The following RAD18 variants were observed in gnomAD, a reference collection of about 807,000 sequenced individuals.
RAD18 encodes E3 ubiquitin-protein ligase RAD18.
A neutral mutation model predicts 60.4 loss-of-function variants in RAD18; 47 were observed. The ratio of observed to expected loss-of-function variants is 0.78; its 90% CI spans 0.62 to 0.99. The LOEUF (loss-of-function observed/expected upper bound fraction) is 0.99. RAD18 is among the 50% of genes least tolerant of loss of function. RAD18 has a pLI of 0.00. For missense variants in RAD18, 640 were observed against 593.3 expected, an observed-to-expected ratio of 1.08 and a Z score of -0.82; for synonymous variants, 225 against 195.5, an observed-to-expected ratio of 1.15 and a Z score of -1.26.
In RAD18 at chr3:8,948,591, C is replaced by T. The variant is rs200564353; in HGVS notation, c.134-21G>A. ...GCAGTCTGCAAAACACAAAGTGCAACATAATGTTAATTAAGCTATATTAAT... is the reference window on the plus strand; with the variant it reads ...GCAGTCTGCAAAACACAAAGTGCAATATAATGTTAATTAAGCTATATTAAT... On this transcript the variant is annotated intron_variant, in intron 2 of 12. Transcript: ENST00000264926. The T allele has an allele frequency of 1.3e-4, 209 of 1,582,096 alleles. No homozygotes were observed. In the African/African-American group the frequency reaches 2.5e-3, roughly 19 times the overall value.
At chr3:8,897,565 A>G (rs1394124146) in intron 11 of RAD18, among the ~76,000 whole-genome samples, 2 of 152,172 alleles carry the variant, frequency 1.3e-5, no homozygotes, top group Non-Finnish European at 2.9e-5. Flanking sequence ...TGATGCTACT[A>G]AAGGAATTTG....
chr3:8,885,170 G>A (rs763876001), intron 12 of RAD18, among the ~76,000 whole-genome samples: 2 of 152,228 alleles, frequency 1.3e-5, no homozygotes, highest in Non-Finnish European at 2.9e-5. Flanking sequence ...AGAATCTCTT[G>A]GTGTGTGGCT....
At chr3:8,883,230 T>C (rs1160974777) in intron 12 of RAD18, among the ~76,000 whole-genome samples, 1 of 152,180 alleles carries the variant, frequency 6.6e-6, no homozygotes, top group Non-Finnish European at 1.5e-5. Flanking sequence ...TGTAAATATA[T>C]ATGGCTGTGG....
intron 7 of RAD18, among the ~76,000 whole-genome samples, chr3:8,918,232 C>A (rs1252552543): frequency 6.9e-6 from 1 of 145,522 alleles, no homozygotes; most frequent in Middle Eastern, 3.8e-3. Flanking sequence ...GCAGGAGAAT[C>A]GCTTGAATCC....
In RAD18 at chr3:8,880,424, G is replaced by A. The variant is rs1015285273; in HGVS notation, c.*933C>T. 1.3e-5 allele frequency: 2 copies of A among 152,238 alleles called. No individual in the cohort carries two copies. Among genetic ancestry groups the A allele is most frequent in the African/African-American group, 4.8e-5 (2 of 41,448 alleles). 9.4% of individuals were successfully genotyped at this position (152,238 alleles called of 1,614,324 possible). A position where few individuals can be genotyped will look rare whatever the true frequency, so the allele number is the denominator to read the frequency against. The stretch of plus-strand genomic sequence containing the variant: ...GGGATGCTGGCTCTGAAATGCCAGA[G>A]AGGCATTAAGAACTCTGGAAGCATC... On this transcript the variant is annotated 3_prime_UTR_variant, in exon 13 of 13. Coordinates refer to ENST00000264926, the MANE Select transcript of RAD18 (RefSeq NM_020165.4).
intron 7 of RAD18, among the ~76,000 whole-genome samples, chr3:8,930,832 C>T (rs1035746781): frequency 6.6e-6 from 1 of 152,084 alleles, no homozygotes; most frequent in Non-Finnish European, 1.5e-5. Context: ...TGCAATAGTA[C>T]TGTCACTCAA....
At position 8,881,246 on chromosome 3, in the gene RAD18, A is replaced by G; in HGVS notation, c.*111T>C. ...AGAATGAATATCAGCTAACCGTAAT[A>G]TTTAGAATTTAGCATCTTTCCTTGG... On this transcript the variant is annotated 3_prime_UTR_variant, in exon 13 of 13. Transcript: ENST00000264926. The G allele has an allele frequency of 3.5e-6, 3 of 864,676 alleles. No homozygotes were observed. In the South Asian group the frequency reaches 5.1e-5, roughly 15 times the overall value. 53.6% of individuals were successfully genotyped at this position (864,676 alleles called of 1,614,324 possible).
At chr3:8,941,911 A>G in intron 4 of RAD18, 107 bp from the exon 5 acceptor site, 1 of 1,042,886 alleles carries the variant, frequency 9.6e-7, no homozygotes. Context: ...GAAATACAGG[A>G]CCTATACTAT....
At position 8,909,176 on chromosome 3, in the gene RAD18, G is replaced by C. The variant is rs906341526; in HGVS notation, c.1027+3136C>G. 2.0e-5 allele frequency among the ~76,000 whole-genome samples: 3 copies of C among 152,160 alleles called. 1 individual carries two copies. The highest frequency in any genetic ancestry group is 3.8e-4 in the East Asian group (2 of 5,206). ...GTAAAGTAGGTAAAAGATAACCAGA[G>C]TGATTGGAATACAAGGAGTAAGGGG... On this transcript the variant is annotated intron_variant, in intron 9 of 12. Transcript: ENST00000264926.
chr3:8,949,658 C>G (rs1358925628), intron 2 of RAD18, among the ~76,000 whole-genome samples: 1 of 150,484 alleles, frequency 6.6e-6, no homozygotes, highest in Non-Finnish European at 1.5e-5. Context: ...CTGCTCTCCC[C>G]GAACTGGAGA....
At chr3:8,884,782 C>A (rs935847347) in intron 12 of RAD18, among the ~76,000 whole-genome samples, 1 of 152,152 alleles carries the variant, frequency 6.6e-6, no homozygotes. Flanking sequence ...CAGAACAATT[C>A]TCTAAAACAC....
intron 11 of RAD18, among the ~76,000 whole-genome samples, chr3:8,895,527 C>G (rs1369160495): frequency 2.0e-5 from 3 of 152,124 alleles, no homozygotes; most frequent in Non-Finnish European, 4.4e-5. Flanking sequence ...ATTTGTCTTC[C>G]TTACTGTCTA....
intron 11 of RAD18, among the ~76,000 whole-genome samples, chr3:8,890,914 T>C (rs1179103681): frequency 6.6e-6 from 1 of 152,142 alleles, no homozygotes; most frequent in Non-Finnish European, 1.5e-5. Context: ...CTGATGTGCT[T>C]AAGGTACTGT....
intron 7 of RAD18, among the ~76,000 whole-genome samples, chr3:8,927,751 T>C (rs2125061695): frequency 6.6e-6 from 1 of 152,322 alleles, no homozygotes; most frequent in South Asian, 2.1e-4. Context: ...TGAGTTCATG[T>C]CCTTTGTAGG....
chr3:8,922,531 G>C (rs1559779223), intron 7 of RAD18, among the ~76,000 whole-genome samples: 3 of 152,222 alleles, frequency 2.0e-5, no homozygotes, highest in Admixed American at 2.0e-4. Flanking sequence ...ACCTCTGCAG[G>C]CTTAAATGTC....
At chr3:8,919,821 A>T (rs984503143) in intron 7 of RAD18, among the ~76,000 whole-genome samples, 1 of 141,980 alleles carries the variant, frequency 7.0e-6, no homozygotes, top group African/African-American at 2.6e-5. Flanking sequence ...GTTATGTTAG[A>T]AATAAGAAGA....
At chr3:8,955,476 T>C (rs1051205978) in intron 2 of RAD18, among the ~76,000 whole-genome samples, 1 of 152,214 alleles carries the variant, frequency 6.6e-6, no homozygotes, top group Non-Finnish European at 1.5e-5. Context: ...CTGATATAGC[T>C]CTGCGGCTTA....
intron 7 of RAD18, among the ~76,000 whole-genome samples, chr3:8,930,023 A>G (rs1940522741): frequency 6.6e-6 from 1 of 152,234 alleles, no homozygotes. Flanking sequence ...GCAATTCCTC[A>G]AAATGTTAAA....
rs988359651 is a variant in RAD18 at position 8,879,201 on chromosome 3, G to A, written c.*2156C>T. 10 of 152,108 alleles carry A rather than the reference G, an allele frequency of 6.6e-5. No individual in the cohort carries two copies. The highest frequency in any genetic ancestry group is 8.8e-5 in the Non-Finnish European group (6 of 68,030). 9.4% of individuals were successfully genotyped at this position (152,108 alleles called of 1,614,324 possible). A position where few individuals can be genotyped will look rare whatever the true frequency, so the allele number is the denominator to read the frequency against. The stretch of plus-strand genomic sequence containing the variant: ...ACTGTGGAGTGTTGTAGTCTAAAGC[G>A]TGCCCCTTAACCCCTACCACTAAAT... On this transcript the variant is annotated 3_prime_UTR_variant, in exon 13 of 13. Transcript: ENST00000264926.
Sources: allele counts gnomAD v4.1 joint callset (sites outside exome capture counted in the v4.1 genomes callset), GRCh38; gene constraint gnomAD v4.1.1; transcripts MANE v1.5; gene names NCBI Gene and HGNC (gene_info 2026-07-23, HGNC 2026-07-21).